NT5DC1: variants seen among roughly 807,000 people sequenced by gnomAD.
The protein encoded by NT5DC1 is 5'-nucleotidase domain containing 1, also known as 5'-nucleotidase domain-containing protein 1.
Under a neutral mutation model 59.4 loss-of-function variants are expected in NT5DC1, and 42 were observed. The ratio of observed to expected loss-of-function variants is 0.71; its 90% CI spans 0.55 to 0.92. The LOEUF is 0.92. Ranked by LOEUF, NT5DC1 falls within the 40% of genes least tolerant of loss-of-function variation. NT5DC1 has a pLI of 0.00. For synonymous variants in NT5DC1, 172 were observed against 188.1 expected (o/e 0.91, Z 0.70); for missense variants, 501 against 537.1 (o/e 0.93, Z 0.66).
chr6:116,220,122 CTTTTTT>C (rs60827021), intron 6 of NT5DC1, among the ~76,000 whole-genome samples: 9 of 98,646 alleles, frequency 9.1e-5, no homozygotes, highest in Non-Finnish European at 1.3e-4. Flanking sequence ...GCTGTTTAAC[CTTTTTT>C]TTTTTTTTTT....
At chr6:116,213,827 G>A (rs962217485) in intron 6 of NT5DC1, among the ~76,000 whole-genome samples, 2 of 152,078 alleles carry the variant, frequency 1.3e-5, no homozygotes, top group Non-Finnish European at 2.9e-5. Context: ...GTTGTGTCTA[G>A]GTAAGTAGAA....
intron 6 of NT5DC1, among the ~76,000 whole-genome samples, chr6:116,154,562 T>C (rs1780133226): frequency 6.6e-6 from 1 of 152,146 alleles, no homozygotes; most frequent in Non-Finnish European, 1.5e-5. Flanking sequence ...TTGTATTTGC[T>C]TTTTTAAAAA....
At chr6:116,158,741 TA>T (rs1780262691) in intron 6 of NT5DC1, 1 of 152,192 alleles carries the variant, frequency 6.6e-6, no homozygotes, top group Non-Finnish European at 1.5e-5. Flanking sequence ...CCAGGAGGGG[TA>T]AAAACAGTCC....
intron 6 of NT5DC1, among the ~76,000 whole-genome samples, chr6:116,178,052 AGTGTGT>A (rs61085607): frequency 0.029 from 4,023 of 136,388 alleles, 134 homozygotes; most frequent in African/African-American, 0.073. Flanking sequence ...CAAAGAGGAA[AGTGTGT>A]GTGTGTGTGT....
intron 6 of NT5DC1, among the ~76,000 whole-genome samples, chr6:116,131,162 G>A (rs188706741): frequency 6.6e-6 from 1 of 152,202 alleles, no homozygotes; most frequent in East Asian, 1.9e-4. Context: ...GCTGATCTCC[G>A]TGGTATGGTC....
chr6:116,133,711 A>G (rs1205159771), intron 6 of NT5DC1, among the ~76,000 whole-genome samples: 2 of 152,178 alleles, frequency 1.3e-5, no homozygotes, highest in Non-Finnish European at 2.9e-5. Context: ...CTCTTCCCTA[A>G]TAGTGCAAAG....
chr6:116,125,783 A>G (rs1156880587), intron 6 of NT5DC1: 1 of 281,770 alleles, frequency 3.5e-6, no homozygotes, highest in Non-Finnish European at 6.8e-6. Flanking sequence ...TCTGTATTAA[A>G]TAATCTAGGA....
chr6:116,137,160 G>A (rs1363721846), intron 6 of NT5DC1: 3 of 194,974 alleles, frequency 1.5e-5, no homozygotes, highest in Non-Finnish European at 2.4e-5. Flanking sequence ...CGTAGATGTG[G>A]CTGCCACCCC....
chr6:116,131,981 T>C (rs770782395), intron 6 of NT5DC1, among the ~76,000 whole-genome samples: 20 of 152,190 alleles, frequency 1.3e-4, no homozygotes, highest in Non-Finnish European at 2.5e-4. Context: ...CAGCACCACA[T>C]GTGTTTCTGC....
At chr6:116,218,618 C>T (rs543224512) in intron 6 of NT5DC1, among the ~76,000 whole-genome samples, 1 of 152,158 alleles carries the variant, frequency 6.6e-6, no homozygotes, top group Non-Finnish European at 1.5e-5. Context: ...ACTTCCTCTT[C>T]CCTGGGAAAC....
At chr6:116,180,228 A>G (rs1780845233) in intron 6 of NT5DC1, among the ~76,000 whole-genome samples, 1 of 152,072 alleles carries the variant, frequency 6.6e-6, no homozygotes, top group Admixed American at 6.6e-5. Context: ...GTTGTGTCTC[A>G]TTTTTCAACG....
At position 116,175,885 on chromosome 6, in the gene NT5DC1, T is replaced by C. The variant is rs535992665; in HGVS notation, c.530-45169T>C. On this transcript the variant is annotated intron_variant, in intron 6 of 11. Transcript: ENST00000319550. ...TTAAGTCCCTGTCTGATAATTCCAA[T>C]GTATGAATCATCTGTGAGTCTGTGT... Among the ~76,000 whole-genome samples the C allele has an allele frequency of 2.0e-5, 3 of 152,346 alleles. No individual in the cohort carries two copies. In the East Asian group the frequency reaches 5.8e-4, roughly 29 times the overall value.
In NT5DC1 at chr6:116,223,073, T is replaced by G. The variant is rs1781840443; in HGVS notation, c.744T>G (p.Asn248Lys). The stretch of plus-strand genomic sequence containing the variant: ...ACCTTTTTGACATTGTGATTACAAA[T>G]GCATTGAAGCCTGGTTTCTTCTCCC... ...FTDLFDIVIT[N>K]ALKPGFFSHL... The change falls in exon 8 of 12, where the codon AAT becomes AAG. Residue 248 changes from asparagine to lysine, a missense_variant. Physicochemically the swap from Asn to Lys is moderately conservative, Grantham distance 94. Coordinates refer to ENST00000319550, the MANE Select transcript of NT5DC1 (RefSeq NM_152729.3). 1 of 1,607,360 alleles carries G rather than the reference T, an allele frequency of 6.2e-7. No homozygotes were observed. The highest frequency in any genetic ancestry group is 1.7e-5 in the Admixed American group (1 of 59,876).
At chr6:116,202,665 G>T (rs959055482) in intron 6 of NT5DC1, among the ~76,000 whole-genome samples, 1 of 151,966 alleles carries the variant, frequency 6.6e-6, no homozygotes, top group Non-Finnish European at 1.5e-5. Context: ...TGTTTGTTAG[G>T]TTAAGAATGG....
chr6:116,113,999 C>G (rs1778922771), intron 4 of NT5DC1, among the ~76,000 whole-genome samples: 1 of 152,126 alleles, frequency 6.6e-6, no homozygotes, highest in African/African-American at 2.4e-5. Flanking sequence ...TCATACAGTC[C>G]TACAGCATAG....
chr6:116,139,963 A>G lies in NT5DC1; in HGVS notation c.529+22018A>G, dbSNP rs191378156. On this transcript the variant is annotated intron_variant, in intron 6 of 11. Transcript: ENST00000319550. The stretch of plus-strand genomic sequence containing the variant: ...GACTTGTGTTTATTGAGAGTCTTCC[A>G]TGTGTCAGGTGTTTTGCTTTTCTTA... Among the ~76,000 whole-genome samples, 8 of 152,224 alleles carry G rather than the reference A, an allele frequency of 5.3e-5. No homozygotes were observed. The East Asian group carries it at 1.5e-3, about 29-fold the overall frequency.
chr6:116,112,555 G>C (rs1329989433), intron 4 of NT5DC1, among the ~76,000 whole-genome samples: 2 of 152,176 alleles, frequency 1.3e-5, no homozygotes, highest in Non-Finnish European at 2.9e-5. Flanking sequence ...ACATCTTAGA[G>C]ATTCTGGCAT....
At chr6:116,201,543 G>A (rs1277930058) in intron 6 of NT5DC1, among the ~76,000 whole-genome samples, 2 of 151,984 alleles carry the variant, frequency 1.3e-5, no homozygotes, top group African/African-American at 4.8e-5. Context: ...ACTTCAGTGA[G>A]GTGAGCATTT....
rs76894745 is a variant in NT5DC1, at chr6:116,210,465, A to G, written c.530-10589A>G. Reference sequence around the variant, plus strand: ...AGTATTGCACAAGCTCCGAAAGCAGACCGCCTGCATTCAAATTCCGATTCT... The same window carrying G: ...AGTATTGCACAAGCTCCGAAAGCAGGCCGCCTGCATTCAAATTCCGATTCT... On this transcript the variant is annotated intron_variant, in intron 6 of 11. Transcript: ENST00000319550. Among the ~76,000 whole-genome samples the G allele has an allele frequency of 9.2e-3, 1,394 of 151,978 alleles. 21 individuals are homozygous for G. The highest frequency in any genetic ancestry group is 0.032 in the African/African-American group (1,314 of 41,476).
Sources: gnomAD v4.1 joint callset for allele counts (sites outside exome capture counted in the v4.1 genomes callset) on GRCh38, gnomAD v4.1.1 for gene constraint, MANE v1.5 for transcripts, NCBI Gene and HGNC (gene_info 2026-07-23, HGNC 2026-07-21) for gene names.